PTPRA: variants seen among roughly 807,000 people sequenced by gnomAD.
The protein encoded by PTPRA is protein tyrosine phosphatase receptor type A, also known as receptor-type tyrosine-protein phosphatase alpha.
In PTPRA, 25 loss-of-function variants were observed where a neutral mutation model predicts 104.8. That is an observed-to-expected ratio of 0.24 (90% CI 0.17 to 0.33). The LOEUF (loss-of-function observed/expected upper bound fraction) is 0.33. Among genes scored for constraint, PTPRA ranks in the 10% least tolerant of loss-of-function variants. PTPRA has a pLI of 1.00. For synonymous variants in PTPRA, 323 were observed against 368.9 expected (o/e 0.88, Z 1.43); for missense variants, 765 against 1,015.3 (o/e 0.75, Z 3.35).
intron 9 of PTPRA, among the ~76,000 whole-genome samples, chr20:2,990,457 C>T (rs1257026187): frequency 1.3e-5 from 2 of 152,168 alleles, no homozygotes; most frequent in Non-Finnish European, 2.9e-5. Context: ...CTAGCTCACA[C>T]CTATAATCCC....
intron 3 of PTPRA, among the ~76,000 whole-genome samples, chr20:2,960,851 T>TC (rs1406171164): frequency 1.3e-5 from 2 of 151,602 alleles, no homozygotes; most frequent in Non-Finnish European, 2.9e-5. Flanking sequence ...TTATTTTCTT[T>TC]TTTTTTTTTT....
At chr20:2,942,117 T>C (rs1472044530) in intron 2 of PTPRA, among the ~76,000 whole-genome samples, 1 of 152,224 alleles carries the variant, frequency 6.6e-6, no homozygotes, top group East Asian at 1.9e-4. Context: ...TGATTGCCTT[T>C]TTAAAGAAAA....
At chr20:2,963,746 T>C (rs1358386897) in intron 3 of PTPRA, among the ~76,000 whole-genome samples, 1 of 152,084 alleles carries the variant, frequency 6.6e-6, no homozygotes, top group Non-Finnish European at 1.5e-5. Context: ...GATTTCAAAA[T>C]TTGGATTAGG....
At chr20:2,964,754 T>A in intron 4 of PTPRA, 107 bp from the exon 5 acceptor site, 1 of 995,602 alleles carries the variant, frequency 1.0e-6, no homozygotes, top group Non-Finnish European at 1.5e-6. Context: ...GGTCTTTGCT[T>A]GGTCTCCATA....
rs1235911292 is a variant in PTPRA at position 3,038,188 on chromosome 20, CT to C, written c.*56del. ...ATTGCCTTTAATATTTTGTAATATT[CT>C]GTTTTGTTAATATACCCCAAATTGT... On this transcript the variant is annotated 3_prime_UTR_variant, in exon 24 of 24. Transcript: ENST00000399903. 43 of 1,505,520 alleles carry C rather than the reference CT, an allele frequency of 2.9e-5. No individual in the cohort carries two copies. In the African/African-American group the frequency reaches 5.7e-4, roughly 20 times the overall value. 93.3% of individuals were successfully genotyped at this position (1,505,520 alleles called of 1,614,324 possible). A position where few individuals can be genotyped will look rare whatever the true frequency, so the allele number is the denominator to read the frequency against.
intron 1 of PTPRA, among the ~76,000 whole-genome samples, chr20:2,887,221 A>G (rs2090439338): frequency 6.6e-6 from 1 of 152,190 alleles, no homozygotes; most frequent in South Asian, 2.1e-4. Context: ...TGATGGAAGT[A>G]CCATTATTGT....
At chr20:2,897,418 C>T (rs1335649681) in intron 1 of PTPRA, among the ~76,000 whole-genome samples, 4 of 131,820 alleles carry the variant, frequency 3.0e-5, no homozygotes, top group South Asian at 2.3e-4. Flanking sequence ...GACGGAGTCT[C>T]GCTTTGTCAC....
At chr20:2,891,303 C>A (rs2058780572) in intron 1 of PTPRA, among the ~76,000 whole-genome samples, 1 of 152,214 alleles carries the variant, frequency 6.6e-6, no homozygotes, top group Admixed American at 6.5e-5. Flanking sequence ...ATCTCTTTAA[C>A]TTCCCAACTT....
intron 2 of PTPRA, among the ~76,000 whole-genome samples, chr20:2,943,284 A>G (rs2060997947): frequency 7.0e-6 from 1 of 142,832 alleles, no homozygotes; most frequent in Non-Finnish European, 1.5e-5. Context: ...AATATTAGTC[A>G]TATATTACAT....
intron 7 of PTPRA, 142 bp downstream of exon 7, chr20:2,986,991 GAAGTTCTA>G (rs1350152926): frequency 1.2e-5 from 9 of 754,000 alleles, no homozygotes; most frequent in Non-Finnish European, 1.3e-5. Context: ...TGCTAAAATT[GAAGTTCTA>G]CTTAGAAATT....
rs368963668 is a variant in PTPRA, at chr20:3,000,170, C to T, written c.739-4886C>T. On this transcript the variant is annotated intron_variant, in intron 9 of 23. Transcript: ENST00000399903. ...AGGTGTGGTGGCGGGCGCCTGTAAT[C>T]CCAGCTACAGGGGAGGCTGAGGAAG... Among the ~76,000 whole-genome samples the T allele has an allele frequency of 9.9e-5, 15 of 152,122 alleles. No homozygotes were observed. In the East Asian group the frequency reaches 1.5e-3, roughly 16 times the overall value.
At chr20:3,028,817 T>TA (rs1008124195) in intron 20 of PTPRA, among the ~76,000 whole-genome samples, 2 of 152,122 alleles carry the variant, frequency 1.3e-5, no homozygotes, top group East Asian at 3.9e-4. Context: ...TTGTGTTTTT[T>TA]AAAAAATCCC....
chr20:2,976,726 C>T (rs1455311034), intron 6 of PTPRA, among the ~76,000 whole-genome samples: 2 of 152,184 alleles, frequency 1.3e-5, no homozygotes, highest in African/African-American at 4.8e-5. Context: ...ATATCCCATT[C>T]TAATTTTAAG....
upstream of PTPRA, among the ~76,000 whole-genome samples, chr20:2,870,677 G>A (rs1048812572): frequency 6.6e-6 from 1 of 152,196 alleles, no homozygotes. Context: ...GGCCCCGAGA[G>A]GGGAAATGAC....
chr20:2,927,757 C>A (rs2060356289), intron 2 of PTPRA, among the ~76,000 whole-genome samples: 1 of 152,166 alleles, frequency 6.6e-6, no homozygotes, highest in South Asian at 2.1e-4. Context: ...TGCCTGTAAC[C>A]CCAGCACTTT....
intron 17 of PTPRA, among the ~76,000 whole-genome samples, chr20:3,026,107 G>A (rs1459640181): frequency 2.6e-5 from 4 of 151,500 alleles, no homozygotes; most frequent in East Asian, 2.0e-4. Context: ...CACTACCCCC[G>A]GCTAATTTTT....
At chr20:2,939,815 C>T (rs909988092) in intron 2 of PTPRA, among the ~76,000 whole-genome samples, 6 of 151,910 alleles carry the variant, frequency 3.9e-5, no homozygotes, top group Non-Finnish European at 2.9e-5. Context: ...CGGTTATAAT[C>T]GGTGGGAAGG....
intron 9 of PTPRA, among the ~76,000 whole-genome samples, chr20:2,994,788 G>A (rs1391541092): frequency 6.6e-6 from 1 of 152,240 alleles, no homozygotes; most frequent in African/African-American, 2.4e-5. Context: ...TACCTGAGCT[G>A]TTACACTACC....
At chr20:3,005,252 CAA>C (rs2063810122) in intron 10 of PTPRA, 106 bp downstream of exon 10, 12 of 1,122,834 alleles carry the variant, frequency 1.1e-5, no homozygotes, top group East Asian at 9.4e-5. Context: ...GGGTGAATAA[CAA>C]GAGTGCGTTC....
Sources: gnomAD v4.1 joint callset for allele counts (sites outside exome capture counted in the v4.1 genomes callset) on GRCh38, gnomAD v4.1.1 for gene constraint, MANE v1.5 for transcripts, NCBI Gene and HGNC (gene_info 2026-07-23, HGNC 2026-07-21) for gene names.